Variants in RBM15 observed in about 807,000 individuals in gnomAD.
RBM15 encodes RNA binding motif protein 15, also known as RNA-binding protein 15.
A neutral mutation model predicts 62.6 loss-of-function variants in RBM15; 8 were observed. That is an observed-to-expected ratio of 0.13 (90% CI 0.07 to 0.23). The LOEUF (loss-of-function observed/expected upper bound fraction) is 0.23. RBM15 is among the 10% of genes least tolerant of loss of function. The probability of loss-of-function intolerance (pLI) is 1.00; values close to 1 mark genes in which losing one functional copy is unlikely to be tolerated. For synonymous variants in RBM15, 606 were observed against 505.7 expected (o/e 1.20, Z -2.66); for missense variants, 1,144 against 1,286.5 (o/e 0.89, Z 1.69).
chr1:110,339,846 AG>A lies in RBM15; in HGVS notation c.443del (p.Gly148AlafsTer25). 1 of 1,598,930 alleles carries A rather than the reference AG, an allele frequency of 6.3e-7. No homozygotes were observed. Among genetic ancestry groups the A allele is most frequent in the East Asian group, 2.2e-5 (1 of 44,532 alleles). ...AATCGCGCAGCAGCTCCCGGGGTGG[AG>A]GCGGGGAGTCACGTTCCTCTGGGGC... The part of the protein sequence containing the change: ...GESRSSSRGG[G>X]GESRSSGAAS... On this transcript the variant is annotated frameshift_variant, in exon 1 of 3. Transcript: ENST00000369784. LOFTEE classifies it high-confidence loss of function.
rs1003824314 is a variant in RBM15, at chr1:110,340,466, G to C, written c.1061G>C (p.Gly354Ala). Residue 354 changes from glycine (G) to alanine (A), a missense_variant, in exon 1 of 3, where the codon GGT (glycine) becomes GCT (alanine). Physicochemically the swap from Gly to Ala is moderately conservative, Grantham distance 60. Around this residue, in one of 8 missense-constraint regions of RBM15, gnomAD observed 33 missense variants for 39.6 expected, o/e 0.83. Coordinates refer to ENST00000369784, the MANE Select transcript of RBM15 (RefSeq NM_022768.5). The surrounding 1 kb of genome is among the most constrained non-coding windows in gnomAD (Gnocchi z 5.8). Reference sequence around the variant, plus strand: ...GAGCCAAGGGTGGGAGCTGGAGCAGGTGCTGCTCCTTTCAGAGAAGTGGAT... The same window carrying C: ...GAGCCAAGGGTGGGAGCTGGAGCAGCTGCTGCTCCTTTCAGAGAAGTGGAT... ...SLEPRVGAGA[G>A]AAPFREVDEI... is the part of the protein sequence containing the mutation. 2.5e-6 allele frequency: 4 copies of C among 1,614,114 alleles called. No homozygotes were observed. Among genetic ancestry groups the C allele is most frequent in the Non-Finnish European group, 3.4e-6 (4 of 1,179,990 alleles).
chr1:110,341,409 T>C lies in RBM15; in HGVS notation c.2004T>C (p.Ala668=). Residue 668 remains alanine (A), a synonymous_variant, in exon 1 of 3, where the codon GCT becomes GCC. Coordinates refer to ENST00000369784, the MANE Select transcript of RBM15 (RefSeq NM_022768.5). This position sits in a 1 kb window ranked among gnomAD's most constrained non-coding sequence, Gnocchi z 4.5. Reference sequence around the variant, plus strand: ...ACCGCCCACGAAAACGTCACTGCGCTCCTTCTCCTGACCGCAGTCCAGAAT... The same window carrying C: ...ACCGCCCACGAAAACGTCACTGCGCCCCTTCTCCTGACCGCAGTCCAGAAT... ...ESDRPRKRHC[A]PSPDRSPELS... The C allele has an allele frequency of 6.2e-7, 1 of 1,614,110 alleles. No homozygotes were observed. Among genetic ancestry groups the C allele is most frequent in the Non-Finnish European group, 8.5e-7 (1 of 1,180,010 alleles).
intron 1 of RBM15, 95 bp downstream of exon 1, chr1:110,342,363 T>C (rs2101143709): frequency 1.0e-6 from 1 of 971,116 alleles, no homozygotes; most frequent in Non-Finnish European, 1.5e-6. Flanking sequence ...GATGCAATTT[T>C]CTTTTTAGTT....
Position 110,346,291 on chromosome 1 carries a change from T to TG in RBM15, c.*41-17_*41-16insG, listed in dbSNP as rs1289457436. On this transcript the variant is annotated splice_polypyrimidine_tract_variant and intron_variant, in intron 2 of 2. Transcript: ENST00000369784. ...AACATTTGTACTGAATAACCTTTTTTTCCCCCCCTCCGCAAGCAAAACTGG... is the reference window on the plus strand; with the variant it reads ...AACATTTGTACTGAATAACCTTTTTTGTCCCCCCCTCCGCAAGCAAAACTGG... The TG allele has an allele frequency of 2.5e-6, 4 of 1,597,882 alleles. No individual in the cohort carries two copies. In the Admixed American group the frequency reaches 5.0e-5, roughly 20 times the overall value.
In RBM15 at chr1:110,340,275, G is replaced by C; in HGVS notation, c.870G>C (p.Gln290His). Residue 290 changes from glutamine to histidine, a missense_variant, in exon 1 of 3, where the codon CAG (glutamine) becomes CAC (histidine). Transcript: ENST00000369784. This position sits in a 1 kb window ranked among gnomAD's most constrained non-coding sequence, Gnocchi z 5.8. ...ACCCCCCTGGAGGTGGTGGAGGCCA[G>C]AGATCACTTTCCCCTGGTGGCGCTG... is the stretch of plus-strand genomic sequence containing the variant. ...HRHPPGGGGG[Q>H]RSLSPGGAAL... The C allele has an allele frequency of 6.2e-7, 1 of 1,614,250 alleles. No homozygotes were observed. The highest frequency in any genetic ancestry group is 8.5e-7 in the Non-Finnish European group (1 of 1,180,030).
At position 110,340,034 on chromosome 1, in the gene RBM15, C is replaced by T; in HGVS notation, c.629C>T (p.Ser210Phe). The T allele has an allele frequency of 6.2e-7, 1 of 1,614,090 alleles. No homozygotes were observed. Among genetic ancestry groups the T allele is most frequent in the Non-Finnish European group, 8.5e-7 (1 of 1,180,034 alleles). ...VSVKISHLSG[S>F]GSGDERVAFV... The stretch of plus-strand genomic sequence containing the variant: ...GTGAAAATCAGTCATCTGTCGGGTT[C>T]TGGCAGCGGGGATGAGCGGGTAGCC... Residue 210 changes from serine to phenylalanine, a missense_variant, in exon 1 of 3, where the codon TCT (serine) becomes TTT (phenylalanine). Around this residue, in one of 8 missense-constraint regions of RBM15, gnomAD observed 188 missense variants for 185.6 expected, o/e 1.01. Coordinates refer to ENST00000369784, the MANE Select transcript of RBM15 (RefSeq NM_022768.5). The surrounding 1 kb of genome is among the most constrained non-coding windows in gnomAD (Gnocchi z 5.8).
At position 110,342,157 on chromosome 1, in the gene RBM15, G is replaced by C. The variant is rs747077640; in HGVS notation, c.2752G>C (p.Gly918Arg). Residue 918 changes from glycine to arginine, a missense_variant, in exon 1 of 3, where the codon GGG (glycine) becomes CGG (arginine). Coordinates refer to ENST00000369784, the MANE Select transcript of RBM15 (RefSeq NM_022768.5). ...GGGCAACAAAGACAAGGAAAACACC[G>C]GGGTCCTTCATGCCTTCCCACCTTG... is the stretch of plus-strand genomic sequence containing the variant. Reference protein sequence around the residue: ...VGGNKDKENTGVLHAFPPCEF... With the variant: ...VGGNKDKENTRVLHAFPPCEF... 1 of 1,614,102 alleles carries C rather than the reference G, an allele frequency of 6.2e-7. No individual in the cohort carries two copies. The highest frequency in any genetic ancestry group is 8.5e-7 in the Non-Finnish European group (1 of 1,179,994).
chr1:110,345,913 T>G (rs1570613946), intron 2 of RBM15, among the ~76,000 whole-genome samples: 1 of 152,230 alleles, frequency 6.6e-6, no homozygotes, highest in African/African-American at 2.4e-5. Context: ...GGCAAAAGTT[T>G]GACTAAACTT....
At position 110,339,445 on chromosome 1, in the gene RBM15, C is replaced by G; in HGVS notation, c.40C>G (p.Pro14Ala). ...GCGGGACCCTGTGCCGCGGCGGAGT[C>G]CAAGATGGCGGCGTGCGGTTCCGCT... The part of the protein sequence containing the change: ...AGRDPVPRRS[P>A]RWRRAVPLCE... Residue 14 changes from proline to alanine, a missense_variant, in exon 1 of 3, where the codon CCA becomes GCA. Physicochemically the swap from Pro to Ala is conservative, Grantham distance 27. Transcript: ENST00000369784. 1 of 1,543,248 alleles carries G rather than the reference C, an allele frequency of 6.5e-7. No homozygotes were observed. Among genetic ancestry groups the G allele is most frequent in the Non-Finnish European group, 8.8e-7 (1 of 1,142,064 alleles).
chr1:110,346,250 T>A, intron 2 of RBM15, 58 bp from the exon 3 acceptor site: 1 of 1,510,930 alleles, frequency 6.6e-7, no homozygotes, highest in Non-Finnish European at 9.1e-7. Context: ...GAAATATATA[T>A]ATTTTTAATA....
In RBM15 at chr1:110,341,498, G is replaced by A. The variant is rs1421685854; in HGVS notation, c.2093G>A (p.Arg698Lys). 6.2e-7 allele frequency: 1 copy of A among 1,614,120 alleles called. No individual in the cohort carries two copies. The highest frequency in any genetic ancestry group is 1.1e-5 in the South Asian group (1 of 91,088). The change falls in exon 1 of 3, where the codon AGG becomes AAG. Residue 698 changes from arginine (R) to lysine (K), a missense_variant. Physicochemically the swap from Arg to Lys is conservative, Grantham distance 26. This residue lies in a region of RBM15 where 360 missense variants were observed against 342.9 expected (regional missense o/e 1.05). Transcript: ENST00000369784. The surrounding 1 kb of genome is among the most constrained non-coding windows in gnomAD (Gnocchi z 4.5). Reference sequence around the variant, plus strand: ...CGATCTTCCCGTCTTCTCTTGGAAAGGCCCTCTCCAATCAGAGACAGACGA... The same window carrying A: ...CGATCTTCCCGTCTTCTCTTGGAAAAGCCCTCTCCAATCAGAGACAGACGA... ...NDRSSRLLLE[R>K]PSPIRDRRGS...
chr1:110,342,570 G>GTTT, intron 1 of RBM15: 2 of 315,782 alleles, frequency 6.3e-6, no homozygotes, highest in African/African-American at 4.4e-5. Context: ...CTATTCAGTT[G>GTTT]TTTTTTTTTT....
In RBM15 at chr1:110,341,408, C is replaced by T. The variant is rs150900331; in HGVS notation, c.2003C>T (p.Ala668Val). The change falls in exon 1 of 3, where the codon GCT (alanine) becomes GTT (valine). Residue 668 changes from alanine to valine, a missense_variant. Transcript: ENST00000369784. The surrounding 1 kb of genome is among the most constrained non-coding windows in gnomAD (Gnocchi z 4.5). ...GACCGCCCACGAAAACGTCACTGCGCTCCTTCTCCTGACCGCAGTCCAGAA... is the reference window on the plus strand; with the variant it reads ...GACCGCCCACGAAAACGTCACTGCGTTCCTTCTCCTGACCGCAGTCCAGAA... ...ESDRPRKRHCAPSPDRSPELS... is the reference protein window; with the variant it reads ...ESDRPRKRHCVPSPDRSPELS... The T allele has an allele frequency of 5.9e-3, 9,489 of 1,614,174 alleles. 68 individuals are homozygous for T. Among genetic ancestry groups the T allele is most frequent in the Middle Eastern group, 0.023 (139 of 6,062 alleles).
rs2100943768 is a variant in RBM15, at chr1:110,346,375, T to C, written c.*108T>C. The C allele has an allele frequency of 1.3e-6, 2 of 1,595,408 alleles. No individual in the cohort carries two copies. Among genetic ancestry groups the C allele is most frequent in the South Asian group, 1.1e-5 (1 of 91,008 alleles). On this transcript the variant is annotated 3_prime_UTR_variant, in exon 3 of 3. Transcript: ENST00000369784. ...TCTAATGGACCTTTTTGAAGAGAAGTTGTGGCTTATGTGGAGTTTACATGG... is the reference window on the plus strand; with the variant it reads ...TCTAATGGACCTTTTTGAAGAGAAGCTGTGGCTTATGTGGAGTTTACATGG...
Position 110,339,418 on chromosome 1 carries a change from G to C in RBM15, c.13G>C (p.Gly5Arg). The C allele has an allele frequency of 6.6e-7, 1 of 1,524,924 alleles. No homozygotes were observed. Among genetic ancestry groups the C allele is most frequent in the Non-Finnish European group, 8.8e-7 (1 of 1,135,214 alleles). 94.5% of individuals were successfully genotyped at this position (1,524,924 alleles called of 1,614,324 possible). A position where few individuals can be genotyped will look rare whatever the true frequency, so the allele number is the denominator to read the frequency against. ...GAGCAATTGGCCAATGAGGACTGCG[G>C]GGCGGGACCCTGTGCCGCGGCGGAG... is the stretch of plus-strand genomic sequence containing the variant. MRTA[G>R]RDPVPRRSPR... Residue 5 changes from glycine to arginine, a missense_variant, in exon 1 of 3, where the codon GGG becomes CGG. Transcript: ENST00000369784.
chr1:110,342,456 GT>G (rs1290779741), intron 1 of RBM15, 188 bp downstream of exon 1: 1 of 471,906 alleles, frequency 2.1e-6, no homozygotes, highest in Non-Finnish European at 3.6e-6. Flanking sequence ...TTTTTTGTTT[GT>G]TTAGCTATTA....
Position 110,340,692 on chromosome 1 carries a change from G to A in RBM15, c.1287G>A (p.Arg429=), listed in dbSNP as rs779205440. The change falls in exon 1 of 3, where the codon CGG becomes CGA. Residue 429 remains arginine (R), a synonymous_variant. Transcript: ENST00000369784. The surrounding 1 kb of genome is among the most constrained non-coding windows in gnomAD (Gnocchi z 5.8). ...LKFENLDMSH[R]AKLAMSGKII... is the part of the protein sequence containing the mutation. ...TTGAGAACTTAGATATGTCTCACCG[G>A]GCCAAATTAGCAATGTCTGGCAAAA... The A allele has an allele frequency of 1.9e-6, 3 of 1,613,980 alleles. No homozygotes were observed. The highest frequency in any genetic ancestry group is 1.3e-5 in the African/African-American group (1 of 74,902).
chr1:110,345,161 G>C (rs1013615624), intron 1 of RBM15, among the ~76,000 whole-genome samples: 8 of 152,042 alleles, frequency 5.3e-5, no homozygotes, highest in South Asian at 2.1e-4. Context: ...ATAAGCATTT[G>C]TCACCTTTTG....
In RBM15 at chr1:110,346,237, G is replaced by A. The variant is rs1006843448; in HGVS notation, c.*41-71G>A. On this transcript the variant is annotated intron_variant, in intron 2 of 2. Transcript: ENST00000369784. ...TGTTATGTTCATCTATAATGGCATAGGGGAAATATATATATTTTTAATATT... is the reference window on the plus strand; with the variant it reads ...TGTTATGTTCATCTATAATGGCATAAGGGAAATATATATATTTTTAATATT... The A allele has an allele frequency of 1.2e-4, 184 of 1,473,322 alleles. 1 individual carries two copies. The highest frequency in any genetic ancestry group is 1.7e-4 in the Non-Finnish European group (181 of 1,070,556). The allele number at this position is 1,473,322 out of a possible 1,614,324, so 91.3% of individuals were successfully genotyped here.
Sources: allele counts gnomAD v4.1 joint callset (sites outside exome capture counted in the v4.1 genomes callset), GRCh38; gene constraint gnomAD v4.1.1; regional missense constraint gnomAD v4.1.1; non-coding constraint Gnocchi (gnomAD v3.1); transcripts MANE v1.5; gene names NCBI Gene and HGNC (gene_info 2026-07-23, HGNC 2026-07-21).